Variants in CSMD1 observed in about 807,000 individuals in gnomAD.
CSMD1 encodes the protein CUB and Sushi multiple domains 1, also known as CUB and sushi domain-containing protein 1.
In CSMD1, 213 loss-of-function variants were observed where a neutral mutation model predicts 417.5. The ratio of observed to expected loss-of-function variants is 0.51; its 90% CI spans 0.46 to 0.57. The LOEUF is 0.57. Among genes scored for constraint, CSMD1 ranks in the 20% least tolerant of loss-of-function variants. CSMD1 has a pLI of 0.00. For synonymous variants in CSMD1, 2,862 were observed against 1,736.8 expected (o/e 1.65, Z -16.11); for missense variants, 6,923 against 4,529.7 (o/e 1.53, Z -15.17).
chr8:3,775,598 A>G (rs1798850789), intron 5 of CSMD1, among the ~76,000 whole-genome samples: 4 of 152,192 alleles, frequency 2.6e-5, no homozygotes, highest in Admixed American at 2.6e-4. Context: ...TGCTCTTGTC[A>G]GTAAAGTTCG....
At chr8:3,907,148 GT>G (rs1272851442) in intron 5 of CSMD1, among the ~76,000 whole-genome samples, 1 of 152,066 alleles carries the variant, frequency 6.6e-6, no homozygotes, top group Non-Finnish European at 1.5e-5. Flanking sequence ...TTCATGTTAC[GT>G]TGTGTATTAC....
At chr8:4,555,013 G>T (rs546072708) in intron 2 of CSMD1, among the ~76,000 whole-genome samples, 1 of 152,188 alleles carries the variant, frequency 6.6e-6, no homozygotes, top group East Asian at 1.9e-4. Flanking sequence ...AGGAGAGCAC[G>T]CAAGTAAGAC....
At chr8:4,908,291 A>G (rs1293026587) in intron 1 of CSMD1, among the ~76,000 whole-genome samples, 1 of 152,080 alleles carries the variant, frequency 6.6e-6, no homozygotes. Flanking sequence ...GGTTTCCTTT[A>G]TCTCTGGTTT....
chr8:4,710,986 G>A (rs17071086), intron 1 of CSMD1, among the ~76,000 whole-genome samples: 5,948 of 152,198 alleles, frequency 0.039, 119 homozygotes, highest in East Asian at 0.075. Context: ...GTGTACTTGA[G>A]TGACATGTGA....
At chr8:3,082,048 TCTTC>T (rs913754310) in intron 49 of CSMD1, among the ~76,000 whole-genome samples, 5 of 152,188 alleles carry the variant, frequency 3.3e-5, no homozygotes, top group African/African-American at 1.2e-4. Context: ...CAGATTTATC[TCTTC>T]CTTTTTACCT....
intron 5 of CSMD1, among the ~76,000 whole-genome samples, chr8:3,973,840 G>C (rs1043299165): frequency 6.6e-6 from 1 of 152,102 alleles, no homozygotes; most frequent in Admixed American, 6.6e-5. Flanking sequence ...TGTAGTTGCT[G>C]TTTTTTAATT....
Position 3,020,576 on chromosome 8 carries a change from G to A in CSMD1, c.7856-1926C>T, listed in dbSNP as rs138479554. On this transcript the variant is annotated intron_variant, in intron 51 of 69. Transcript: ENST00000635120. The stretch of plus-strand genomic sequence containing the variant: ...TTTGTAGAGATGGGGGTCTCATTGT[G>A]TTGTCCAGGCTTGTCTGGAACTCCT... Among the ~76,000 whole-genome samples the A allele has an allele frequency of 2.8e-4, 42 of 152,216 alleles. 1 individual carries two copies. Among genetic ancestry groups the A allele is most frequent in the African/African-American group, 8.7e-4 (36 of 41,532 alleles).
At position 3,526,091 on chromosome 8, in the gene CSMD1, G is replaced by C. The variant is rs189057677; in HGVS notation, c.1345-32365C>G. 3.3e-5 allele frequency among the ~76,000 whole-genome samples: 5 copies of C among 152,224 alleles called. No homozygotes were observed. The East Asian group carries it at 9.7e-4, about 29-fold the overall frequency. ...CAAAGAACCATCAACATGCTGAATT[G>C]TCAATTCAGCTTTAAAAACAGTCTA... On this transcript the variant is annotated intron_variant, in intron 10 of 69. Transcript: ENST00000635120.
At chr8:3,552,670 A>C (rs1365425557) in intron 10 of CSMD1, among the ~76,000 whole-genome samples, 1 of 152,230 alleles carries the variant, frequency 6.6e-6, no homozygotes, top group East Asian at 1.9e-4. Context: ...ATTCACATCA[A>C]CATTGTTCAT....
chr8:4,595,005 G>C (rs539573911), intron 2 of CSMD1, among the ~76,000 whole-genome samples: 1 of 152,134 alleles, frequency 6.6e-6, no homozygotes, highest in Non-Finnish European at 1.5e-5. Context: ...TAAATTTTGG[G>C]ATCTGGAATA....
At chr8:3,628,687 A>C (rs2128219) in intron 7 of CSMD1, among the ~76,000 whole-genome samples, 94,126 of 151,738 alleles carry the variant, frequency 0.62, 29,546 homozygotes, top group East Asian at 0.75. Flanking sequence ...GAAGGGGCAG[A>C]CTCACAGAAA....
chr8:4,892,554 T>C (rs1804189505), intron 1 of CSMD1, among the ~76,000 whole-genome samples: 1 of 152,132 alleles, frequency 6.6e-6, no homozygotes, highest in Non-Finnish European at 1.5e-5. Flanking sequence ...TAGCGTTAGG[T>C]ATTGCCTAAT....
At chr8:4,216,808 T>C (rs1221791103) in intron 3 of CSMD1, among the ~76,000 whole-genome samples, 1 of 152,150 alleles carries the variant, frequency 6.6e-6, no homozygotes, top group Non-Finnish European at 1.5e-5. Context: ...CACACAGAAT[T>C]CCAACACAAG....
chr8:3,976,098 G>C (rs914778621), intron 5 of CSMD1, among the ~76,000 whole-genome samples: 1 of 151,594 alleles, frequency 6.6e-6, no homozygotes, highest in South Asian at 2.1e-4. Context: ...GAACTTGTAA[G>C]AATCTAATAG....
At chr8:4,375,946 T>G (rs1384004426) in intron 3 of CSMD1, among the ~76,000 whole-genome samples, 1 of 152,180 alleles carries the variant, frequency 6.6e-6, no homozygotes, top group African/African-American at 2.4e-5. Context: ...GAGAGTTTCC[T>G]GGCAACCTCC....
chr8:3,519,148 C>T (rs1055003611), intron 10 of CSMD1, among the ~76,000 whole-genome samples: 3 of 152,236 alleles, frequency 2.0e-5, no homozygotes, highest in African/African-American at 7.2e-5. Flanking sequence ...AAAAACATAC[C>T]TATTTAATAA....
chr8:4,290,830 T>G (rs1006483845), intron 3 of CSMD1, among the ~76,000 whole-genome samples: 10 of 152,198 alleles, frequency 6.6e-5, no homozygotes, highest in African/African-American at 2.4e-4. Context: ...ATTAAAATAA[T>G]TCAAAGCAAA....
At chr8:4,384,586 G>A (rs1379533779) in intron 3 of CSMD1, among the ~76,000 whole-genome samples, 1 of 151,996 alleles carries the variant, frequency 6.6e-6, no homozygotes, top group Non-Finnish European at 1.5e-5. Flanking sequence ...ACTTAGAAAA[G>A]GCATACATTT....
intron 8 of CSMD1, among the ~76,000 whole-genome samples, chr8:3,595,564 C>A (rs1322066330): frequency 6.6e-6 from 1 of 152,140 alleles, no homozygotes; most frequent in Non-Finnish European, 1.5e-5. Flanking sequence ...AATAGCCCAA[C>A]AAAGATCCCT....
Sources: gnomAD v4.1 joint callset for allele counts (sites outside exome capture counted in the v4.1 genomes callset) on GRCh38, gnomAD v4.1.1 for gene constraint, MANE v1.5 for transcripts, NCBI Gene and HGNC (gene_info 2026-07-23, HGNC 2026-07-21) for gene names.